IFT56: variants seen among roughly 807,000 people sequenced by gnomAD.
IFT56 encodes the protein intraflagellar transport 56, also known as intraflagellar transport protein 56.
chr7:139,147,263 T>G, the IFT56 span: 1 of 1,612,532 alleles, frequency 6.2e-7, no homozygotes. Context: ...GCTATAGATA[T>G]ATATAAGCGA....
At chr7:139,181,852 AC>A in the IFT56 span, among the ~76,000 whole-genome samples, 2 of 152,214 alleles carry the variant, frequency 1.3e-5, no homozygotes, top group South Asian at 4.1e-4. Flanking sequence ...ATCTTATGGA[AC>A]CACAATCATA....
At chr7:139,167,317 A>G in the IFT56 span, among the ~76,000 whole-genome samples, 2 of 152,236 alleles carry the variant, frequency 1.3e-5, no homozygotes, top group African/African-American at 4.8e-5. Flanking sequence ...CACTATGTGC[A>G]TAAAGTATAT....
chr7:139,174,671 AT>A, the IFT56 span, among the ~76,000 whole-genome samples: 6 of 152,172 alleles, frequency 3.9e-5, no homozygotes, highest in African/African-American at 1.4e-4. Context: ...TAGGAAAAAA[AT>A]CTAACAATCC....
At chr7:139,139,423 C>G in the IFT56 span, among the ~76,000 whole-genome samples, 14 of 152,176 alleles carry the variant, frequency 9.2e-5, 1 homozygote, top group South Asian at 2.9e-3. Flanking sequence ...TAGAAAGTGT[C>G]CTTGGCAGGA....
the IFT56 span, among the ~76,000 whole-genome samples, chr7:139,164,099 A>G: frequency 2.6e-5 from 4 of 152,122 alleles, no homozygotes; most frequent in Non-Finnish European, 5.9e-5. Flanking sequence ...TGTTTGCTTT[A>G]TGGAGGTCTG....
At chr7:139,177,238 G>GTA in the IFT56 span, among the ~76,000 whole-genome samples, 14 of 149,802 alleles carry the variant, frequency 9.3e-5, no homozygotes, top group African/African-American at 2.0e-4. Context: ...GTGTGTGTGT[G>GTA]TATATATATA....
At chr7:139,140,062 T>C in the IFT56 span, 1 of 1,181,262 alleles carries the variant, frequency 8.5e-7, no homozygotes, top group Non-Finnish European at 1.2e-6. Flanking sequence ...GTTTTGAAGA[T>C]TTTAAAACTT....
At chr7:139,173,024 G>T in the IFT56 span, 130,097 of 729,044 alleles carry the variant, frequency 0.18, 23,752 homozygotes, top group African/African-American at 0.63. Context: ...GTGTGGCTCA[G>T]GGACCACCTC....
chr7:139,160,141 A>G, the IFT56 span, among the ~76,000 whole-genome samples: 1 of 152,198 alleles, frequency 6.6e-6, no homozygotes, highest in African/African-American at 2.4e-5. Flanking sequence ...GCAGACATGC[A>G]CTCCCAACTA....
the IFT56 span, among the ~76,000 whole-genome samples, chr7:139,159,314 G>T: frequency 1.3e-5 from 2 of 151,862 alleles, no homozygotes; most frequent in Non-Finnish European, 2.9e-5. Flanking sequence ...TGTTATTTTT[G>T]GTAAGTTGTA....
At chr7:139,166,908 GT>G in the IFT56 span, 1 of 1,551,832 alleles carries the variant, frequency 6.4e-7, no homozygotes, top group Non-Finnish European at 8.9e-7. Flanking sequence ...AACTGAGAAT[GT>G]TTTATATTTT....
At chr7:139,148,894 C>A in the IFT56 span, among the ~76,000 whole-genome samples, 2 of 151,832 alleles carry the variant, frequency 1.3e-5, no homozygotes, top group African/African-American at 4.8e-5. Flanking sequence ...GAGCGAGACT[C>A]TGTCTCAAAA....
the IFT56 span, among the ~76,000 whole-genome samples, chr7:139,177,602 T>C: frequency 7.2e-6 from 1 of 138,998 alleles, no homozygotes; most frequent in Non-Finnish European, 1.5e-5. Flanking sequence ...CGGATATACA[T>C]ATATATATAG....
the IFT56 span, among the ~76,000 whole-genome samples, chr7:139,187,100 C>CA: frequency 0.3 from 15,368 of 50,418 alleles, 3,823 homozygotes; most frequent in African/African-American, 0.61. Context: ...GACTCCGTCT[C>CA]AAAAAAAAAA....
chr7:139,173,515 C>A, the IFT56 span: 7 of 749,336 alleles, frequency 9.3e-6, no homozygotes, highest in Non-Finnish European at 1.5e-5. Context: ...AGGTGTGAGC[C>A]ACCGCACCCG....
chr7:139,185,616 G>A, the IFT56 span, among the ~76,000 whole-genome samples: 1 of 152,102 alleles, frequency 6.6e-6, no homozygotes, highest in South Asian at 2.1e-4. Context: ...ATACTTAAGA[G>A]AGAACATAAA....
chr7:139,154,241 T>C, the IFT56 span, among the ~76,000 whole-genome samples: 1 of 152,128 alleles, frequency 6.6e-6, no homozygotes, highest in Non-Finnish European at 1.5e-5. Context: ...CAGTCCCTTA[T>C]CAGATACACA....
chr7:139,188,376 C>T, the IFT56 span, among the ~76,000 whole-genome samples: 1 of 152,182 alleles, frequency 6.6e-6, no homozygotes, highest in African/African-American at 2.4e-5. Flanking sequence ...TCTGGGATTA[C>T]AGGCATGAGC....
the IFT56 span, chr7:139,187,286 A>G: frequency 8.4e-7 from 1 of 1,195,648 alleles, no homozygotes; most frequent in South Asian, 2.0e-5. Flanking sequence ...GCTAACTGAA[A>G]ATGTTGTCAG....
Sources: allele counts gnomAD v4.1 joint callset (sites outside exome capture counted in the v4.1 genomes callset), GRCh38; gene constraint gnomAD v4.1.1; transcripts MANE v1.5; gene names NCBI Gene and HGNC (gene_info 2026-07-23, HGNC 2026-07-21).